The following VSNL1 variants were observed in gnomAD, a reference collection of about 807,000 sequenced individuals.
VSNL1 encodes the protein visinin like 1, also known as visinin-like protein 1.
VSNL1 carries 6 observed loss-of-function variants against 20.4 expected under a neutral mutation model. The ratio of observed to expected loss-of-function variants is 0.29; its 90% CI spans 0.16 to 0.58. VSNL1 has a LOEUF of 0.58. Ranked by LOEUF, VSNL1 falls within the 20% of genes least tolerant of loss-of-function variation. The probability of loss-of-function intolerance (pLI) is 0.90; values close to 1 mark genes in which losing one functional copy is unlikely to be tolerated. For missense variants in VSNL1, 100 were observed against 234.5 expected, an observed-to-expected ratio of 0.43 and a Z score of 3.75; for synonymous variants, 93 against 86.4, an observed-to-expected ratio of 1.08 and a Z score of -0.42.
intron 2 of VSNL1, among the ~76,000 whole-genome samples, chr2:17,633,778 G>C (rs961703804): frequency 4.6e-5 from 7 of 152,088 alleles, no homozygotes; most frequent in Non-Finnish European, 7.4e-5. Flanking sequence ...TTGCTCAGAG[G>C]GGAAGCCCTT....
At chr2:17,611,206 A>G (rs1319483138) in intron 2 of VSNL1, among the ~76,000 whole-genome samples, 3 of 152,198 alleles carry the variant, frequency 2.0e-5, no homozygotes, top group African/African-American at 4.8e-5. Flanking sequence ...CCTAGATACC[A>G]TTATTATCCC....
intron 1 of VSNL1, among the ~76,000 whole-genome samples, chr2:17,586,605 C>T (rs1023383780): frequency 6.6e-6 from 1 of 152,186 alleles, no homozygotes; most frequent in African/African-American, 2.4e-5. Context: ...AAGATTGGTA[C>T]CATGCTTTCT....
At chr2:17,648,937 C>G (rs931574452) in intron 2 of VSNL1, among the ~76,000 whole-genome samples, 1 of 152,188 alleles carries the variant, frequency 6.6e-6, no homozygotes, top group Admixed American at 6.5e-5. Flanking sequence ...GGGCCCAGGA[C>G]GAGGGCTGGT....
intron 2 of VSNL1, among the ~76,000 whole-genome samples, chr2:17,645,626 A>G (rs1665975336): frequency 6.6e-6 from 1 of 152,196 alleles, no homozygotes; most frequent in Non-Finnish European, 1.5e-5. Flanking sequence ...AGAGGAAACA[A>G]ACATTTTGAT....
At chr2:17,607,324 G>T (rs1419383260) in intron 2 of VSNL1, among the ~76,000 whole-genome samples, 1 of 152,168 alleles carries the variant, frequency 6.6e-6, no homozygotes, top group Non-Finnish European at 1.5e-5. Context: ...AAGAGTATTT[G>T]TGAGGCGAAA....
chr2:17,640,252 CAAAAAAAAA>C (rs60583462), intron 2 of VSNL1, among the ~76,000 whole-genome samples: 5 of 98,862 alleles, frequency 5.1e-5, no homozygotes, highest in East Asian at 4.5e-4. Context: ...GACTCTGTTT[CAAAAAAAAA>C]AAAAAAAAGA....
chr2:17,625,424 T>C (rs944750244), intron 2 of VSNL1, among the ~76,000 whole-genome samples: 4 of 152,236 alleles, frequency 2.6e-5, no homozygotes, highest in African/African-American at 4.8e-5. Flanking sequence ...TTTTTCCTTA[T>C]AATTCCATAT....
intron 2 of VSNL1, 77 bp downstream of exon 2, chr2:17,592,313 A>C (rs1025618724): frequency 2.1e-6 from 3 of 1,460,586 alleles, no homozygotes; most frequent in Non-Finnish European, 2.8e-6. Context: ...CCTCACATGG[A>C]ATTATAACTC....
At chr2:17,559,896 A>ATT in intron 1 of VSNL1, among the ~76,000 whole-genome samples, 1 of 152,142 alleles carries the variant, frequency 6.6e-6, no homozygotes, top group South Asian at 2.1e-4. Flanking sequence ...AAGAGATTAA[A>ATT]CTGACATCTT....
At chr2:17,619,858 G>A (rs1418901129) in intron 2 of VSNL1, among the ~76,000 whole-genome samples, 8 of 148,402 alleles carry the variant, frequency 5.4e-5, no homozygotes, top group Non-Finnish European at 1.2e-4. Context: ...GTTTGTTACA[G>A]TCTTAAAAAA....
chr2:17,644,498 G>A (rs183117982), intron 2 of VSNL1, among the ~76,000 whole-genome samples: 14 of 152,312 alleles, frequency 9.2e-5, no homozygotes, highest in East Asian at 3.9e-4. Context: ...TCAAGACCCC[G>A]GAAGAGACAG....
intron 2 of VSNL1, among the ~76,000 whole-genome samples, chr2:17,623,638 G>C (rs2004033): frequency 0.68 from 97,581 of 144,166 alleles, 33,801 homozygotes; most frequent in Middle Eastern, 0.89. Flanking sequence ...CCACTGCACT[G>C]CAGCCTGGGC....
chr2:17,565,378 A>G (rs1464422830), intron 1 of VSNL1, among the ~76,000 whole-genome samples: 1 of 152,064 alleles, frequency 6.6e-6, no homozygotes. Context: ...TCTATTCTCA[A>G]TCTCACTCAC....
intron 1 of VSNL1, among the ~76,000 whole-genome samples, chr2:17,568,765 G>A (rs995122518): frequency 1.2e-4 from 19 of 152,178 alleles, no homozygotes; most frequent in African/African-American, 4.6e-4. Context: ...TCCATAATTA[G>A]TATTTTCTCT....
chr2:17,645,122 T>G (rs1184961771), intron 2 of VSNL1, among the ~76,000 whole-genome samples: 2 of 152,244 alleles, frequency 1.3e-5, no homozygotes, highest in African/African-American at 4.8e-5. Context: ...TCCAGCAGAC[T>G]AATGGGCAGA....
chr2:17,634,506 G>C lies in VSNL1; in HGVS notation c.163-14904G>C, dbSNP rs184580522. Among the ~76,000 whole-genome samples the C allele has an allele frequency of 5.3e-4, 80 of 152,204 alleles. 1 individual carries two copies. Among genetic ancestry groups the C allele is most frequent in the African/African-American group, 1.8e-3 (75 of 41,542 alleles). Reference sequence around the variant, plus strand: ...CCAGGGAAGAAGCAAGAAATAAAAAGGCAATGTGTGACATTTCCCAAGGTG... The same window carrying C: ...CCAGGGAAGAAGCAAGAAATAAAAACGCAATGTGTGACATTTCCCAAGGTG... On this transcript the variant is annotated intron_variant, in intron 2 of 3. Transcript: ENST00000295156. The surrounding 1 kb of genome is among the most constrained non-coding windows in gnomAD (Gnocchi z 4.3).
intron 3 of VSNL1, among the ~76,000 whole-genome samples, chr2:17,651,997 T>G (rs781321597): frequency 6.6e-6 from 1 of 152,214 alleles, no homozygotes; most frequent in Non-Finnish European, 1.5e-5. Context: ...TTAGAGCAGA[T>G]GGAGAGTAGG....
At chr2:17,605,436 C>A (rs1022896859) in intron 2 of VSNL1, among the ~76,000 whole-genome samples, 1 of 152,176 alleles carries the variant, frequency 6.6e-6, no homozygotes, top group East Asian at 1.9e-4. Context: ...AAAGGCTGTC[C>A]CTGGTGCAGG....
At chr2:17,622,572 G>GAA (rs1414113399) in intron 2 of VSNL1, among the ~76,000 whole-genome samples, 2 of 128,330 alleles carry the variant, frequency 1.6e-5, no homozygotes, top group East Asian at 4.7e-4. Context: ...AAGAAAGAAA[G>GAA]AAAGAAAGAA....
Sources: gnomAD v4.1 joint callset for allele counts (sites outside exome capture counted in the v4.1 genomes callset) on GRCh38, gnomAD v4.1.1 for gene constraint, Gnocchi (gnomAD v3.1) non-coding constraint, MANE v1.5 for transcripts, NCBI Gene and HGNC (gene_info 2026-07-23, HGNC 2026-07-21) for gene names.